The following RCOR3 variants were observed in gnomAD, a reference collection of about 807,000 sequenced individuals.
The protein encoded by RCOR3 is REST corepressor 3.
A neutral mutation model predicts 64.1 loss-of-function variants in RCOR3; 13 were observed. That is an observed-to-expected ratio of 0.20 (90% CI 0.13 to 0.32). The LOEUF (loss-of-function observed/expected upper bound fraction) is 0.32. Among genes scored for constraint, RCOR3 ranks in the 10% least tolerant of loss-of-function variants. The probability of loss-of-function intolerance (pLI) is 1.00; values close to 1 mark genes in which losing one functional copy is unlikely to be tolerated. For missense variants in RCOR3, 489 were observed against 701.2 expected, an observed-to-expected ratio of 0.70 and a Z score of 3.42; for synonymous variants, 215 against 239.0, an observed-to-expected ratio of 0.90 and a Z score of 0.93.
intron 10 of RCOR3, among the ~76,000 whole-genome samples, chr1:211,307,046 AATG>A (rs1427531656): frequency 1.7e-4 from 26 of 152,208 alleles, no homozygotes; most frequent in Non-Finnish European, 1.5e-5. Context: ...TATGACCAAT[AATG>A]ATCTTTCCAT....
chr1:211,290,988 TATAGTTGCTTTA>T (rs1027444103), intron 8 of RCOR3, among the ~76,000 whole-genome samples: 10 of 152,170 alleles, frequency 6.6e-5, no homozygotes, highest in Non-Finnish European at 1.2e-4. Context: ...TTTTTGCTTT[TATAGTTGCTTTA>T]GTGATTACAA....
At position 211,259,485 on chromosome 1, in the gene RCOR3, C is replaced by A; in HGVS notation, c.-76C>A. 6.9e-7 allele frequency: 1 copy of A among 1,456,656 alleles called. No homozygotes were observed. Among genetic ancestry groups the A allele is most frequent in the Non-Finnish European group, 9.2e-7 (1 of 1,083,228 alleles). 90.2% of individuals were successfully genotyped at this position (1,456,656 alleles called of 1,614,324 possible). On this transcript the variant is annotated 5_prime_UTR_variant, in exon 1 of 12. Transcript: ENST00000419091. ...CTCCTCCTCCTCCTTTCCCTCCCGC[C>A]CGCGCTCTAAGCCATCTCCGCCTTC...
rs1227867392 is a variant in RCOR3, at chr1:211,313,306, G to C, written c.1318-118G>C. On this transcript the variant is annotated intron_variant, in intron 11 of 11. Transcript: ENST00000419091. The surrounding 1 kb of genome is among the most constrained non-coding windows in gnomAD (Gnocchi z 4.7). ...GCTTGTGCTTCCAATAAACACTGGT[G>C]TTATGTTTTTGTTTTGTTTTGATTT... is the stretch of plus-strand genomic sequence containing the variant. 6.9e-7 allele frequency: 1 copy of C among 1,453,370 alleles called. No homozygotes were observed. The highest frequency in any genetic ancestry group is 1.4e-5 in the African/African-American group (1 of 69,922). The allele number at this position is 1,453,370 out of a possible 1,614,324, so 90.0% of individuals were successfully genotyped here. A position where few individuals can be genotyped will look rare whatever the true frequency, so the allele number is the denominator to read the frequency against.
In RCOR3 at chr1:211,313,833, G is replaced by A; in HGVS notation, c.*65G>A. The A allele has an allele frequency of 7.4e-7, 1 of 1,350,566 alleles. No homozygotes were observed. The highest frequency in any genetic ancestry group is 1.0e-6 in the Non-Finnish European group (1 of 971,020). The allele number at this position is 1,350,566 out of a possible 1,614,324, so 83.7% of individuals were successfully genotyped here. A position where few individuals can be genotyped will look rare whatever the true frequency, so the allele number is the denominator to read the frequency against. On this transcript the variant is annotated 3_prime_UTR_variant, in exon 12 of 12. Transcript: ENST00000419091. This position sits in a 1 kb window ranked among gnomAD's most constrained non-coding sequence, Gnocchi z 4.7. ...TCATTATACCAGTGCTCATCTGACT[G>A]ATGAAAAAGAGGAAAGAATAATCAT...
chr1:211,259,601 A>G lies in RCOR3; in HGVS notation c.41A>G (p.Lys14Arg). The change falls in exon 1 of 12, where the codon AAG becomes AGG. Residue 14 changes from lysine (K) to arginine (R), a missense_variant. Lys to Arg is a conservative substitution (Grantham distance 26). This residue lies in a region of RCOR3 where 87 missense variants were observed against 84.3 expected (regional missense o/e 1.03). Coordinates refer to ENST00000419091, the MANE Select transcript of RCOR3 (RefSeq NM_001136223.3). Reference protein sequence around the residue: ...MMEKGPELLGKNRSANGSAKS... With the variant: ...MMEKGPELLGRNRSANGSAKS... ...GAGAAAGGGCCCGAGTTACTGGGGA[A>G]GAACCGATCGGCCAACGGCAGCGCC... 1 of 1,548,210 alleles carries G rather than the reference A, an allele frequency of 6.5e-7. No homozygotes were observed. The highest frequency in any genetic ancestry group is 8.7e-7 in the Non-Finnish European group (1 of 1,146,026).
rs993743199 is a variant in RCOR3 at position 211,262,225 on chromosome 1, A to T, written c.223+2061A>T. On this transcript the variant is annotated intron_variant, in intron 2 of 11. Coordinates refer to ENST00000419091, the MANE Select transcript of RCOR3 (RefSeq NM_001136223.3). ...GCTAATTTTTGTATTTTTAGTAGAGATGGGGTTTCACTGTGTTGGCCAGGC... is the reference window on the plus strand; with the variant it reads ...GCTAATTTTTGTATTTTTAGTAGAGTTGGGGTTTCACTGTGTTGGCCAGGC... Among the ~76,000 whole-genome samples, 48 of 151,182 alleles carry T rather than the reference A, an allele frequency of 3.2e-4. 1 individual carries two copies. Among genetic ancestry groups the T allele is most frequent in the African/African-American group, 1.1e-3 (45 of 41,210 alleles).
intron 7 of RCOR3, among the ~76,000 whole-genome samples, chr1:211,286,400 CA>C (rs1264562827): frequency 6.6e-6 from 1 of 151,572 alleles, no homozygotes; most frequent in Non-Finnish European, 1.5e-5. Context: ...CTCCGCTTCC[CA>C]GGTTCAAGTG....
intron 8 of RCOR3, among the ~76,000 whole-genome samples, chr1:211,292,452 C>T (rs1699357991): frequency 6.6e-6 from 1 of 152,072 alleles, no homozygotes; most frequent in Non-Finnish European, 1.5e-5. Context: ...TGTATTCATA[C>T]TTCATTCTCA....
In RCOR3 at chr1:211,273,421, C is replaced by T. The variant is rs142151451; in HGVS notation, c.302-789C>T. ...GTTCCAGAATCAGGATTCTTAACCACTGCTTCTCAAAAATATTTCCAAAAA... is the reference window on the plus strand; with the variant it reads ...GTTCCAGAATCAGGATTCTTAACCATTGCTTCTCAAAAATATTTCCAAAAA... On this transcript the variant is annotated intron_variant, in intron 3 of 11. Transcript: ENST00000419091. Among the ~76,000 whole-genome samples the T allele has an allele frequency of 3.1e-3, 477 of 152,304 alleles. 4 individuals carry two copies. Among genetic ancestry groups the T allele is most frequent in the African/African-American group, 0.011 (447 of 41,570 alleles).
intron 10 of RCOR3, among the ~76,000 whole-genome samples, chr1:211,309,850 A>C (rs1191388879): frequency 1.3e-5 from 2 of 152,164 alleles, no homozygotes; most frequent in Non-Finnish European, 2.9e-5. Context: ...CAGACGCCTC[A>C]CTGGAGATTC....
At chr1:211,292,914 T>A (rs1351444702) in intron 8 of RCOR3, among the ~76,000 whole-genome samples, 2 of 151,400 alleles carry the variant, frequency 1.3e-5, no homozygotes, top group Admixed American at 1.3e-4. Flanking sequence ...TGAAACCCCG[T>A]CTCTACTAAA....
chr1:211,268,586 A>G (rs1456027223), intron 2 of RCOR3, among the ~76,000 whole-genome samples: 1 of 151,960 alleles, frequency 6.6e-6, no homozygotes, highest in Non-Finnish European at 1.5e-5. Context: ...CATGTTGGTC[A>G]TGCTGGTCTC....
intron 2 of RCOR3, among the ~76,000 whole-genome samples, chr1:211,260,728 G>A (rs936681007): frequency 2.0e-5 from 3 of 150,490 alleles, no homozygotes; most frequent in Non-Finnish European, 3.0e-5. Flanking sequence ...GAGTGCAGGA[G>A]CCGCGGAGAG....
intron 9 of RCOR3, among the ~76,000 whole-genome samples, chr1:211,300,071 CTTTTTTTTT>C (rs11419492): frequency 8.2e-6 from 1 of 121,300 alleles, no homozygotes; most frequent in Non-Finnish European, 1.7e-5. Flanking sequence ...TTCTTTCTTT[CTTTTTTTTT>C]TTTTTTTTTG....
At chr1:211,309,209 G>C (rs1432281988) in intron 10 of RCOR3, among the ~76,000 whole-genome samples, 1 of 151,334 alleles carries the variant, frequency 6.6e-6, no homozygotes, top group Non-Finnish European at 1.5e-5. Flanking sequence ...TGTATGGACA[G>C]ACTCCACTAA....
rs1262896142 is a variant in RCOR3 at position 211,312,144 on chromosome 1, C to T, written c.1076-576C>T. The T allele has an allele frequency of 9.9e-6, 2 of 201,062 alleles. No individual in the cohort carries two copies. Among genetic ancestry groups the T allele is most frequent in the Admixed American group, 1.0e-4 (2 of 19,670 alleles). 12.5% of individuals were successfully genotyped at this position (201,062 alleles called of 1,614,324 possible). ...CCACCAACTTGTGATGATTCTCCTGCTTTTCATGTTTAAGTTCTTATCTAA... is the reference window on the plus strand; with the variant it reads ...CCACCAACTTGTGATGATTCTCCTGTTTTTCATGTTTAAGTTCTTATCTAA... On this transcript the variant is annotated intron_variant, in intron 10 of 11. Transcript: ENST00000419091. The surrounding 1 kb of genome is among the most constrained non-coding windows in gnomAD (Gnocchi z 5.0).
At chr1:211,300,894 ACT>A (rs1439156398) in intron 9 of RCOR3, among the ~76,000 whole-genome samples, 5 of 151,184 alleles carry the variant, frequency 3.3e-5, no homozygotes, top group Non-Finnish European at 5.9e-5. Context: ...ACTGAGGGAG[ACT>A]CTAGTGTGTA....
intron 10 of RCOR3, among the ~76,000 whole-genome samples, chr1:211,309,693 C>A (rs1275032711): frequency 6.6e-6 from 1 of 152,162 alleles, no homozygotes; most frequent in Non-Finnish European, 1.5e-5. Context: ...TATTTAACTC[C>A]CTTCCTGAGA....
chr1:211,280,791 C>A (rs1266611328), intron 7 of RCOR3, among the ~76,000 whole-genome samples: 1 of 152,120 alleles, frequency 6.6e-6, no homozygotes, highest in Admixed American at 6.6e-5. Flanking sequence ...CAAGACCAGC[C>A]TGACCAACAT....
Sources: gnomAD v4.1 joint callset for allele counts (sites outside exome capture counted in the v4.1 genomes callset) on GRCh38, gnomAD v4.1.1 for gene constraint, gnomAD v4.1.1 regional missense constraint, Gnocchi (gnomAD v3.1) non-coding constraint, MANE v1.5 for transcripts, NCBI Gene and HGNC (gene_info 2026-07-23, HGNC 2026-07-21) for gene names.